Variants in PCDHGB5 observed in about 807,000 individuals in gnomAD.
PCDHGB5 encodes the protein protocadherin gamma subfamily B, 5, also known as protocadherin gamma-B5.
PCDHGB5 carries 48 observed loss-of-function variants against 62.9 expected under a neutral mutation model. The observed-to-expected ratio is 0.76, with a 90% CI of 0.61 to 0.97. PCDHGB5 has a LOEUF of 0.97. PCDHGB5 is among the 50% of genes least tolerant of loss of function. The pLI, the probability that PCDHGB5 is intolerant of heterozygous loss-of-function variation, is 0.00. For synonymous variants in PCDHGB5, 474 were observed against 511.2 expected (o/e 0.93, Z 0.98); for missense variants, 1,118 against 1,198.6 (o/e 0.93, Z 0.99).
intron 1 of PCDHGB5, among the ~76,000 whole-genome samples, chr5:141,430,013 G>T (rs2097256191): frequency 6.6e-6 from 1 of 151,922 alleles, no homozygotes; most frequent in South Asian, 2.1e-4. Context: ...TTTTCACTTG[G>T]GTTCTTGTTA....
intron 1 of PCDHGB5, among the ~76,000 whole-genome samples, chr5:141,438,747 T>C (rs2098059577): frequency 6.7e-6 from 1 of 148,680 alleles, no homozygotes. Flanking sequence ...CTGCAACCTC[T>C]GCCTCCTGGG....
Position 141,432,208 on chromosome 5 carries a change from G to A in PCDHGB5, c.2397+31684G>A, listed in dbSNP as rs150518735. The A allele has an allele frequency of 3.4e-5, 55 of 1,614,196 alleles. No individual in the cohort carries two copies. In the Middle Eastern group the frequency reaches 8.2e-4, roughly 24 times the overall value. Reference sequence around the variant, plus strand: ...CCGCCCACGACCCCGACTGTGAAGAGAACGCCCAGATCACTTATTCCCTGG... The same window carrying A: ...CCGCCCACGACCCCGACTGTGAAGAAAACGCCCAGATCACTTATTCCCTGG... On this transcript the variant is annotated intron_variant, in intron 1 of 3. Transcript: ENST00000617380. The surrounding 1 kb of genome is among the most constrained non-coding windows in gnomAD (Gnocchi z 6.0).
intron 1 of PCDHGB5, chr5:141,408,275 T>C: frequency 1.2e-6 from 2 of 1,611,874 alleles, no homozygotes; most frequent in Non-Finnish European, 1.7e-6. Flanking sequence ...GCTGCCTTTG[T>C]TCTACCCCAC....
intron 1 of PCDHGB5, chr5:141,418,952 G>T: frequency 1.9e-6 from 3 of 1,614,050 alleles, no homozygotes; most frequent in Non-Finnish European, 2.5e-6. Context: ...TCCAGGAGTG[G>T]TTGTTGCCCT....
chr5:141,477,438 C>G lies in PCDHGB5; in HGVS notation c.2398-17369C>G. 6.2e-7 allele frequency: 1 copy of G among 1,614,174 alleles called. No homozygotes were observed. Among genetic ancestry groups the G allele is most frequent in the Non-Finnish European group, 8.5e-7 (1 of 1,180,030 alleles). On this transcript the variant is annotated intron_variant, in intron 1 of 3. Coordinates refer to ENST00000617380, the MANE Select transcript of PCDHGB5 (RefSeq NM_018925.3). The surrounding 1 kb of genome is among the most constrained non-coding windows in gnomAD (Gnocchi z 4.9). ...GGAACCCCTTCCCTCTCAGCCCTTACAATAGTGCGTGTTCAAGTGTCCGAC... is the reference window on the plus strand; with the variant it reads ...GGAACCCCTTCCCTCTCAGCCCTTAGAATAGTGCGTGTTCAAGTGTCCGAC...
At chr5:141,510,155 C>G (rs1044168112) in intron 3 of PCDHGB5, among the ~76,000 whole-genome samples, 2 of 151,942 alleles carry the variant, frequency 1.3e-5, no homozygotes, top group African/African-American at 4.8e-5. Context: ...CACCTGTAAT[C>G]TCAGCTACTC....
intron 1 of PCDHGB5, chr5:141,410,091 G>A: frequency 8.7e-6 from 14 of 1,612,518 alleles, no homozygotes; most frequent in African/African-American, 1.3e-5. Flanking sequence ...CGCACGGCTC[G>A]AGCCTTAGGC....
Position 141,432,057 on chromosome 5 carries a change from C to G in PCDHGB5, c.2397+31533C>G. On this transcript the variant is annotated intron_variant, in intron 1 of 3. Coordinates refer to ENST00000617380, the MANE Select transcript of PCDHGB5 (RefSeq NM_018925.3). This position sits in a 1 kb window ranked among gnomAD's most constrained non-coding sequence, Gnocchi z 6.0. The stretch of plus-strand genomic sequence containing the variant: ...ACTGACCGGGGAACCCCGCCCCTAT[C>G]CACGGAAACTCATATCTCGCTGAAC... 1 of 1,614,220 alleles carries G rather than the reference C, an allele frequency of 6.2e-7. No homozygotes were observed. The highest frequency in any genetic ancestry group is 8.5e-7 in the Non-Finnish European group (1 of 1,180,042).
At chr5:141,497,272 T>G (rs568198729) in intron 2 of PCDHGB5, among the ~76,000 whole-genome samples, 20 of 152,254 alleles carry the variant, frequency 1.3e-4, no homozygotes, top group African/African-American at 4.3e-4. Flanking sequence ...CTAGGCCATT[T>G]ATGTTCCCTC....
intron 1 of PCDHGB5, 96 bp from the exon 2 acceptor site, chr5:141,494,711 A>G (rs757105958): frequency 6.3e-7 from 1 of 1,599,616 alleles, no homozygotes; most frequent in Non-Finnish European, 8.5e-7. Flanking sequence ...CTCTGTGCCC[A>G]CTCCCCTCCT....
intron 3 of PCDHGB5, among the ~76,000 whole-genome samples, chr5:141,510,533 C>A (rs1366903068): frequency 6.6e-6 from 1 of 152,118 alleles, no homozygotes; most frequent in Non-Finnish European, 1.5e-5. Flanking sequence ...GAGAGAAATA[C>A]CAGCGAATGT....
chr5:141,402,829 T>G (rs921784924), intron 1 of PCDHGB5: 4 of 1,341,920 alleles, frequency 3.0e-6, no homozygotes, highest in Admixed American at 5.9e-5. Context: ...GCTCCCAGGC[T>G]GCAGCAAAAC....
chr5:141,428,436 A>G (rs922762798), intron 1 of PCDHGB5: 5 of 401,736 alleles, frequency 1.2e-5, no homozygotes, highest in Non-Finnish European at 2.3e-5. Flanking sequence ...CTAAGACTAG[A>G]CCAGGGGTTT....
In PCDHGB5 at chr5:141,489,129, T is replaced by G; in HGVS notation, c.2398-5678T>G. On this transcript the variant is annotated intron_variant, in intron 1 of 3. Coordinates refer to ENST00000617380, the MANE Select transcript of PCDHGB5 (RefSeq NM_018925.3). This position sits in a 1 kb window ranked among gnomAD's most constrained non-coding sequence, Gnocchi z 4.5. ...AAGCAGGCAAACCTCCGAGCAGTTT[T>G]TAAGAGGCTGGAAGGAGACATAAGA... 1 of 761,976 alleles carries G rather than the reference T, an allele frequency of 1.3e-6. No homozygotes were observed. The highest frequency in any genetic ancestry group is 2.0e-6 in the Non-Finnish European group (1 of 490,014). The allele number at this position is 761,976 out of a possible 1,614,324, so 47.2% of individuals were successfully genotyped here.
intron 1 of PCDHGB5, among the ~76,000 whole-genome samples, chr5:141,436,290 T>C (rs2097808305): frequency 6.6e-6 from 1 of 152,164 alleles, no homozygotes; most frequent in Non-Finnish European, 1.5e-5. Flanking sequence ...GAACAAATCA[T>C]TGAGAGTTAG....
At chr5:141,426,334 C>T (rs551131722) in intron 1 of PCDHGB5, 1 of 186,734 alleles carries the variant, frequency 5.4e-6, no homozygotes, top group South Asian at 1.1e-4. Flanking sequence ...GTGGCAAGCA[C>T]TCTTCCCTTT....
chr5:141,408,336 C>A, intron 1 of PCDHGB5: 1 of 1,613,910 alleles, frequency 6.2e-7, no homozygotes, highest in Non-Finnish European at 8.5e-7. Flanking sequence ...GCCAAGGGCT[C>A]GGTGGTGGGG....
chr5:141,401,516 T>G (rs375937507), intron 1 of PCDHGB5, among the ~76,000 whole-genome samples: 3 of 152,320 alleles, frequency 2.0e-5, no homozygotes, highest in South Asian at 2.1e-4. Context: ...CTCTATATAA[T>G]TACCAGAAGA....
At chr5:141,422,566 A>G (rs2096656660) in intron 1 of PCDHGB5, 1 of 1,614,020 alleles carries the variant, frequency 6.2e-7, no homozygotes, top group Non-Finnish European at 8.5e-7. Flanking sequence ...GGCAGATGAC[A>G]ACGATAACCC....
Sources: allele counts gnomAD v4.1 joint callset (sites outside exome capture counted in the v4.1 genomes callset), GRCh38; gene constraint gnomAD v4.1.1; non-coding constraint Gnocchi (gnomAD v3.1); transcripts MANE v1.5; gene names NCBI Gene and HGNC (gene_info 2026-07-23, HGNC 2026-07-21).